The following TIAM1 variants were observed in gnomAD, a reference collection of about 807,000 sequenced individuals.
The protein encoded by TIAM1 is rho guanine nucleotide exchange factor TIAM1.
TIAM1 carries 65 observed loss-of-function variants against 163.5 expected under a neutral mutation model. The observed-to-expected ratio is 0.40, with a 90% CI of 0.33 to 0.49. TIAM1 has a LOEUF of 0.49. Among genes scored for constraint, TIAM1 ranks in the 20% least tolerant of loss-of-function variants. The pLI is 0.77. For missense variants in TIAM1, 1,789 were observed against 2,044.7 expected (o/e 0.87, Z 2.41); for synonymous variants, 833 against 810.1 (o/e 1.03, Z -0.48).
At chr21:31,399,249 A>G (rs890590800) in intron 2 of TIAM1, among the ~76,000 whole-genome samples, 1 of 151,826 alleles carries the variant, frequency 6.6e-6, no homozygotes, top group Non-Finnish European at 1.5e-5. Flanking sequence ...AAGCAAGGAA[A>G]TTATTTTTTT....
chr21:31,527,368 C>T (rs1400050586), intron 1 of TIAM1, among the ~76,000 whole-genome samples: 1 of 152,172 alleles, frequency 6.6e-6, no homozygotes, highest in African/African-American at 2.4e-5. Flanking sequence ...AAAAAGACCA[C>T]ATTTAGGTGC....
intron 2 of TIAM1, among the ~76,000 whole-genome samples, chr21:31,364,052 T>C (rs986116735): frequency 2.0e-5 from 3 of 152,338 alleles, no homozygotes; most frequent in African/African-American, 7.2e-5. Flanking sequence ...CTGGTGTCAC[T>C]TGCATTGAAC....
chr21:31,470,012 T>G (rs1026149752), intron 1 of TIAM1, among the ~76,000 whole-genome samples: 2 of 150,600 alleles, frequency 1.3e-5, no homozygotes, highest in Admixed American at 1.3e-4. Flanking sequence ...TTTTTTTTTT[T>G]TTTTTTTCTG....
chr21:31,266,745 G>A lies in TIAM1; in HGVS notation c.228C>T (p.Phe76=). ...QSLAENGLEP[F]SQDGTLEDFG... ...AGTCTTCTAGGGTACCATCTTGGGAGAAGGGCTCCAGGCCATTTTCAGCCA... is the reference window on the plus strand; with the variant it reads ...AGTCTTCTAGGGTACCATCTTGGGAAAAGGGCTCCAGGCCATTTTCAGCCA... Residue 76 remains phenylalanine (F), a synonymous_variant, in exon 4 of 28, where the codon TTC becomes TTT. Transcript: ENST00000541036. 1 of 1,614,228 alleles carries A rather than the reference G, an allele frequency of 6.2e-7. No individual in the cohort carries two copies. The highest frequency in any genetic ancestry group is 1.1e-5 in the South Asian group (1 of 91,090).
In TIAM1 at chr21:31,144,848, A is replaced by AG. The variant is rs1264165383; in HGVS notation, c.3475+2046_3475+2047insC. ...CATCTCAGAAAAAAAAAAAAAAAAA[A>AG]AAAAGAAAAGAAAAGAAAAATATGG... On this transcript the variant is annotated intron_variant, in intron 20 of 27. Coordinates refer to ENST00000541036, the MANE Select transcript of TIAM1 (RefSeq NM_001353694.2). Among the ~76,000 whole-genome samples, 1,135 of 147,796 alleles carry AG rather than the reference A, an allele frequency of 7.7e-3. 8 individuals are homozygous for AG. Among genetic ancestry groups the AG allele is most frequent in the African/African-American group, 0.025 (955 of 38,506 alleles).
intron 2 of TIAM1, among the ~76,000 whole-genome samples, chr21:31,367,551 A>G (rs1396535120): frequency 6.6e-6 from 1 of 152,116 alleles, no homozygotes; most frequent in Non-Finnish European, 1.5e-5. Flanking sequence ...TTACCTACCT[A>G]ATAAGTTTGG....
At chr21:31,346,710 T>C (rs1415277699), upstream of TIAM1, among the ~76,000 whole-genome samples, 5 of 152,294 alleles carry the variant, frequency 3.3e-5, no homozygotes, top group East Asian at 9.6e-4. Flanking sequence ...GGAAGGCGCT[T>C]CATCTCATTA....
intron 2 of TIAM1, among the ~76,000 whole-genome samples, chr21:31,422,979 C>G (rs1466374724): frequency 1.5e-5 from 2 of 136,756 alleles, no homozygotes; most frequent in African/African-American, 5.6e-5. Flanking sequence ...GGCCCAGTCT[C>G]TCTCTCTCTT....
chr21:31,399,629 T>C (rs1426642631), intron 2 of TIAM1, among the ~76,000 whole-genome samples: 2 of 152,224 alleles, frequency 1.3e-5, no homozygotes, highest in African/African-American at 2.4e-5. Context: ...ATATATGTTA[T>C]AGCCCAAGAG....
rs2072748027 is a variant in TIAM1, at chr21:31,266,168, T to G, written c.805A>C (p.Asn269His). 5.6e-6 allele frequency: 9 copies of G among 1,614,164 alleles called. No homozygotes were observed. The highest frequency in any genetic ancestry group is 7.6e-6 in the Non-Finnish European group (9 of 1,180,038). ...NLVSDIPNLANHKMPPAAAEE... is the reference protein window; with the variant it reads ...NLVSDIPNLAHHKMPPAAAEE... ...GCAGCAGCTGGTGGCATCTTATGGT[T>G]TGCAAGATTGGGAATATCAGACACC... is the stretch of plus-strand genomic sequence containing the variant. Residue 269 changes from asparagine (N) to histidine (H), a missense_variant, in exon 4 of 28, where the codon AAC becomes CAC. Physicochemically the swap from Asn to His is moderately conservative, Grantham distance 68. This residue lies in a region of TIAM1 where 555 missense variants were observed against 564.9 expected (regional missense o/e 0.98). Coordinates refer to ENST00000541036, the MANE Select transcript of TIAM1 (RefSeq NM_001353694.2).
chr21:31,482,060 AGTGTGTGTGTGT>A (rs10523425), intron 1 of TIAM1, among the ~76,000 whole-genome samples: 27,887 of 145,632 alleles, frequency 0.19, 2,680 homozygotes, highest in South Asian at 0.26. Flanking sequence ...ACTGGGACAA[AGTGTGTGTGTGT>A]GTGTGTGTGT....
chr21:31,291,974 T>A (rs985008894), intron 2 of TIAM1, among the ~76,000 whole-genome samples: 2 of 152,196 alleles, frequency 1.3e-5, no homozygotes, highest in African/African-American at 4.8e-5. Context: ...ATCCTACTGA[T>A]GATCCACCAC....
At chr21:31,235,843 T>C (rs543013528) in intron 6 of TIAM1, among the ~76,000 whole-genome samples, 15 of 152,320 alleles carry the variant, frequency 9.8e-5, no homozygotes, top group South Asian at 2.1e-4. Flanking sequence ...GGGAAACCTC[T>C]GAGGCACCCA....
Position 31,241,625 on chromosome 21 carries a change from T to C in TIAM1, c.1584+3863A>G, listed in dbSNP as rs138089767. ...CAAATCCTGGAGGATGGGAGGTGGATCTGCTTTCAGAGTTGCCACATTTAT... is the reference window on the plus strand; with the variant it reads ...CAAATCCTGGAGGATGGGAGGTGGACCTGCTTTCAGAGTTGCCACATTTAT... On this transcript the variant is annotated intron_variant, in intron 6 of 27. Transcript: ENST00000541036. Among the ~76,000 whole-genome samples the C allele has an allele frequency of 4.3e-3, 654 of 152,230 alleles. 3 individuals are homozygous for C. The highest frequency in any genetic ancestry group is 7.2e-3 in the Non-Finnish European group (491 of 68,014).
chr21:31,474,039 A>G (rs2045850630), intron 1 of TIAM1, among the ~76,000 whole-genome samples: 1 of 152,166 alleles, frequency 6.6e-6, no homozygotes, highest in Admixed American at 6.5e-5. Context: ...GGGAGCAGAC[A>G]TGTCACAAGG....
intron 14 of TIAM1, among the ~76,000 whole-genome samples, chr21:31,186,405 AC>A (rs888628329): frequency 2.6e-5 from 4 of 151,854 alleles, no homozygotes; most frequent in African/African-American, 2.4e-5. Context: ...TCCAGGAAGA[AC>A]CCCCCCAGGA....
At chr21:31,321,650 C>T (rs2075318540) in intron 2 of TIAM1, among the ~76,000 whole-genome samples, 1 of 152,156 alleles carries the variant, frequency 6.6e-6, no homozygotes, top group African/African-American at 2.4e-5. Flanking sequence ...CACACCCAGC[C>T]TCTTCTGTGT....
rs368017129 is a variant in TIAM1, at chr21:31,265,997, T to C, written c.963+13A>G. 4.9e-5 allele frequency: 79 copies of C among 1,608,132 alleles called. No individual in the cohort carries two copies. The highest frequency in any genetic ancestry group is 6.3e-5 in the Non-Finnish European group (74 of 1,176,394). ...CATTCCCAAAATATTGAAACAAATTTCAATCACTTTACCTGAGTTGTTTTA... is the reference window on the plus strand; with the variant it reads ...CATTCCCAAAATATTGAAACAAATTCCAATCACTTTACCTGAGTTGTTTTA... On this transcript the variant is annotated intron_variant, in intron 4 of 27. Coordinates refer to ENST00000541036, the MANE Select transcript of TIAM1 (RefSeq NM_001353694.2).
intron 10 of TIAM1, chr21:31,213,124 C>A: frequency 2.7e-6 from 1 of 370,106 alleles, no homozygotes; most frequent in East Asian, 5.7e-5. Context: ...TATTCAGAAC[C>A]CAAATTTCCT....
Sources: allele counts gnomAD v4.1 joint callset (sites outside exome capture counted in the v4.1 genomes callset), GRCh38; gene constraint gnomAD v4.1.1; regional missense constraint gnomAD v4.1.1; transcripts MANE v1.5; gene names NCBI Gene and HGNC (gene_info 2026-07-23, HGNC 2026-07-21).